NR3C1: variants seen among roughly 807,000 people sequenced by gnomAD.
The protein encoded by NR3C1 is glucocorticoid receptor.
NR3C1 carries 14 observed loss-of-function variants against 74.0 expected under a neutral mutation model. That is an observed-to-expected ratio of 0.19 (90% CI 0.12 to 0.30). The LOEUF is 0.30. Among genes scored for constraint, NR3C1 ranks in the 10% least tolerant of loss-of-function variants. NR3C1 has a pLI of 1.00. For synonymous variants in NR3C1, 308 were observed against 332.5 expected (o/e 0.93, Z 0.80); for missense variants, 695 against 909.8 (o/e 0.76, Z 3.04).
At position 143,291,251 on chromosome 5, in the gene NR3C1, G is replaced by A. The variant is rs540880359; in HGVS notation, c.2023+4209C>T. ...CTTTTATTATTTTTTTTCTAAGATG[G>A]AGTCTCCCTCTGTCACTAGGCTGGA... On this transcript the variant is annotated intron_variant, in intron 7 of 8. Coordinates refer to ENST00000394464, the MANE Select transcript of NR3C1 (RefSeq NM_000176.3). Among the ~76,000 whole-genome samples, 3 of 151,892 alleles carry A rather than the reference G, an allele frequency of 2.0e-5. No homozygotes were observed. The East Asian group carries it at 5.8e-4, about 29-fold the overall frequency.
intron 1 of NR3C1, among the ~76,000 whole-genome samples, chr5:143,430,951 T>G (rs1223567313): frequency 6.6e-6 from 1 of 152,204 alleles, no homozygotes; most frequent in African/African-American, 2.4e-5. Context: ...TATAAGTAAT[T>G]CTGCTTAGGA....
chr5:143,398,090 C>A (rs2151934970), intron 2 of NR3C1, among the ~76,000 whole-genome samples: 1 of 151,978 alleles, frequency 6.6e-6, no homozygotes, highest in Admixed American at 6.5e-5. Flanking sequence ...TTAGTCAAAT[C>A]AACCGTACTT....
In NR3C1 at chr5:143,403,205, T is replaced by G. The variant is rs1424372257; in HGVS notation, c.-14+6A>C. 5 of 984,620 alleles carry G rather than the reference T, an allele frequency of 5.1e-6. No homozygotes were observed. In the East Asian group the frequency reaches 5.8e-4, roughly 113 times the overall value. The allele number at this position is 984,620 out of a possible 1,614,324, so 61.0% of individuals were successfully genotyped here. The stretch of plus-strand genomic sequence containing the variant: ...CGCCCCGGCCCCCTCCCGCCTCGCT[T>G]CTTACCTCTGGCAGAGGAGCCGCTC... On this transcript the variant is annotated splice_donor_region_variant and intron_variant, in intron 1 of 8. Coordinates refer to ENST00000394464, the MANE Select transcript of NR3C1 (RefSeq NM_000176.3).
chr5:143,327,359 T>C (rs1369045676), intron 2 of NR3C1, among the ~76,000 whole-genome samples: 1 of 152,078 alleles, frequency 6.6e-6, no homozygotes, highest in African/African-American at 2.4e-5. Context: ...CCCCAAAACA[T>C]GCGGGTTACA....
intron 3 of NR3C1, among the ~76,000 whole-genome samples, chr5:143,313,010 AAAAC>A (rs773710633): frequency 6.6e-6 from 1 of 152,256 alleles, no homozygotes; most frequent in Non-Finnish European, 1.5e-5. Context: ...ATTAAAAAGT[AAAAC>A]AAAAGAAAAT....
intron 7 of NR3C1, 52 bp from the exon 8 acceptor site, chr5:143,282,777 CTTTTTTTTTT>C (rs371512572): frequency 4.5e-6 from 6 of 1,325,984 alleles, no homozygotes; most frequent in Non-Finnish European, 5.1e-6. Context: ...CTTTTCTTTT[CTTTTTTTTTT>C]TTTTTTGAGA....
chr5:143,279,813 A>G lies in NR3C1; in HGVS notation c.*2076T>C, dbSNP rs1406181332. On this transcript the variant is annotated 3_prime_UTR_variant, in exon 9 of 9. Coordinates refer to ENST00000394464, the MANE Select transcript of NR3C1 (RefSeq NM_000176.3). Reference sequence around the variant, plus strand: ...CTTCTGAAGCTTCTGTTGTCATTCAACTGCTGGGGGAGGGCTGTATGTGAA... The same window carrying G: ...CTTCTGAAGCTTCTGTTGTCATTCAGCTGCTGGGGGAGGGCTGTATGTGAA... The G allele has an allele frequency of 1.8e-5, 3 of 165,672 alleles. No homozygotes were observed. The highest frequency in any genetic ancestry group is 3.9e-5 in the Non-Finnish European group (3 of 77,650). The allele number at this position is 165,672 out of a possible 1,614,324, so 10.3% of individuals were successfully genotyped here.
At chr5:143,301,156 A>T (rs1257876313) in intron 4 of NR3C1, among the ~76,000 whole-genome samples, 1 of 152,072 alleles carries the variant, frequency 6.6e-6, no homozygotes, top group Admixed American at 6.6e-5. Flanking sequence ...CTCTTACTAT[A>T]AACTGAAAAA....
At chr5:143,377,083 T>C (rs1336141824) in intron 2 of NR3C1, among the ~76,000 whole-genome samples, 1 of 152,216 alleles carries the variant, frequency 6.6e-6, no homozygotes, top group Admixed American at 6.5e-5. Context: ...TCCATCCTTA[T>C]GATTTCATTC....
At chr5:143,373,227 G>GA (rs1173769998) in intron 2 of NR3C1, among the ~76,000 whole-genome samples, 8 of 150,686 alleles carry the variant, frequency 5.3e-5, no homozygotes, top group Non-Finnish European at 7.4e-5. Flanking sequence ...TTCCCTTGGG[G>GA]AAAAAAAAAC....
intron 2 of NR3C1, among the ~76,000 whole-genome samples, chr5:143,374,199 T>C (rs538098020): frequency 6.6e-6 from 1 of 152,158 alleles, no homozygotes; most frequent in African/African-American, 2.4e-5. Flanking sequence ...CTTAAAAACA[T>C]AGTGAGTAAA....
chr5:143,327,780 G>A (rs1824961005), intron 2 of NR3C1, among the ~76,000 whole-genome samples: 1 of 152,236 alleles, frequency 6.6e-6, no homozygotes, highest in South Asian at 2.1e-4. Flanking sequence ...CTGAAGTAAG[G>A]GGTGGGCTTT....
upstream of NR3C1, chr5:143,403,688 C>T (rs1320296942): frequency 1.0e-6 from 1 of 985,386 alleles, no homozygotes; most frequent in African/African-American, 1.7e-5. Flanking sequence ...GGAGGCGGCG[C>T]CACGGCGCGC....
chr5:143,336,930 A>G (rs910239810), intron 2 of NR3C1, among the ~76,000 whole-genome samples: 3 of 151,818 alleles, frequency 2.0e-5, no homozygotes, highest in African/African-American at 7.2e-5. Flanking sequence ...GTGAGCCAAG[A>G]CTGTGCCGCT....
chr5:143,402,572 T>G, intron 1 of NR3C1: 3 of 984,000 alleles, frequency 3.0e-6, no homozygotes, highest in Non-Finnish European at 3.6e-6. Context: ...GAGAAAAAAG[T>G]GCGAGGTTAA....
At chr5:143,396,704 T>C (rs1297167240) in intron 2 of NR3C1, among the ~76,000 whole-genome samples, 1 of 151,756 alleles carries the variant, frequency 6.6e-6, no homozygotes, top group African/African-American at 2.4e-5. Context: ...AATTTTAGAC[T>C]CTGCCGAAAA....
At chr5:143,304,889 A>T (rs1197566936) in intron 4 of NR3C1, among the ~76,000 whole-genome samples, 1 of 152,158 alleles carries the variant, frequency 6.6e-6, no homozygotes, top group Non-Finnish European at 1.5e-5. Flanking sequence ...CTGCCATATA[A>T]AAATTAGTAA....
rs1198680205 is a variant in NR3C1 at position 143,279,307 on chromosome 5, ATCT to A, written c.*2579_*2581del. 1.6e-5 allele frequency: 24 copies of A among 1,531,658 alleles called. No individual in the cohort carries two copies. In the Middle Eastern group the frequency reaches 5.0e-4, roughly 32 times the overall value. The allele number at this position is 1,531,658 out of a possible 1,614,324, so 94.9% of individuals were successfully genotyped here. On this transcript the variant is annotated 3_prime_UTR_variant, in exon 9 of 9. Transcript: ENST00000394464. ...TATTATTGACAACGAAGTGCACATA[ATCT>A]TCTTTTTCTCATTGAGTTCTATTTT...
chr5:143,388,887 G>C (rs187136922), intron 2 of NR3C1, among the ~76,000 whole-genome samples: 6 of 152,298 alleles, frequency 3.9e-5, no homozygotes, highest in African/African-American at 1.4e-4. Flanking sequence ...GATATTTGAT[G>C]ACAACATGCA....
Sources: allele counts gnomAD v4.1 joint callset (sites outside exome capture counted in the v4.1 genomes callset), GRCh38; gene constraint gnomAD v4.1.1; transcripts MANE v1.5; gene names NCBI Gene and HGNC (gene_info 2026-07-23, HGNC 2026-07-21).